RBMS3: variants seen among roughly 807,000 people sequenced by gnomAD.
RBMS3 encodes the protein RNA-binding motif, single-stranded-interacting protein 3.
A neutral mutation model predicts 66.8 loss-of-function variants in RBMS3; 27 were observed. The ratio of observed to expected loss-of-function variants is 0.40; its 90% CI spans 0.30 to 0.56. The LOEUF (loss-of-function observed/expected upper bound fraction) is 0.56. Ranked by LOEUF, RBMS3 falls within the 20% of genes least tolerant of loss-of-function variation. The pLI, the probability that RBMS3 is intolerant of heterozygous loss-of-function variation, is 0.40. For synonymous variants in RBMS3, 188 were observed against 183.0 expected, an observed-to-expected ratio of 1.03 and a Z score of -0.22; for missense variants, 513 against 549.5, an observed-to-expected ratio of 0.93 and a Z score of 0.66.
At chr3:29,615,205 A>C (rs1178721970) in intron 4 of RBMS3, 1 of 152,336 alleles carries the variant, frequency 6.6e-6, no homozygotes, top group African/African-American at 2.4e-5. Flanking sequence ...TACCACCATA[A>C]TATTCCATGA....
intron 1 of RBMS3, among the ~76,000 whole-genome samples, chr3:29,325,083 A>G (rs2035241083): frequency 6.6e-6 from 1 of 152,206 alleles, no homozygotes; most frequent in South Asian, 2.1e-4. Flanking sequence ...TGAATAAACT[A>G]TGGCATGTCT....
intron 12 of RBMS3, among the ~76,000 whole-genome samples, chr3:29,984,420 A>C (rs902785699): frequency 6.6e-6 from 1 of 151,878 alleles, no homozygotes; most frequent in African/African-American, 2.4e-5. Context: ...CTGTCAATTC[A>C]TCAAACTCAT....
At chr3:29,889,091 T>C (rs2059940154) in intron 8 of RBMS3, among the ~76,000 whole-genome samples, 1 of 151,706 alleles carries the variant, frequency 6.6e-6, no homozygotes, top group African/African-American at 2.4e-5. Context: ...CTTCCCCAGA[T>C]AGTACGAACA....
intron 7 of RBMS3, among the ~76,000 whole-genome samples, chr3:29,883,373 A>G (rs533217764): frequency 3.9e-5 from 6 of 152,218 alleles, no homozygotes; most frequent in Admixed American, 6.5e-5. Context: ...GTCTTCATCT[A>G]TAAAATGGAG....
At chr3:29,380,508 C>T (rs1267342629) in intron 1 of RBMS3, among the ~76,000 whole-genome samples, 1 of 152,128 alleles carries the variant, frequency 6.6e-6, no homozygotes, top group Non-Finnish European at 1.5e-5. Context: ...TGGTAAGTTG[C>T]ATTGCATGTT....
chr3:29,797,548 T>C (rs1380073075), intron 6 of RBMS3: 1 of 152,202 alleles, frequency 6.6e-6, no homozygotes, highest in Non-Finnish European at 1.5e-5. Flanking sequence ...CATCAAGGAC[T>C]TTTCTTTTGC....
At chr3:29,708,386 C>G (rs921405186) in intron 4 of RBMS3, among the ~76,000 whole-genome samples, 9 of 152,068 alleles carry the variant, frequency 5.9e-5, no homozygotes, top group Admixed American at 6.5e-5. Flanking sequence ...ATTTTTGGCT[C>G]TAAATGTAGG....
chr3:29,699,406 C>T (rs1318306197), intron 4 of RBMS3, among the ~76,000 whole-genome samples: 3 of 152,176 alleles, frequency 2.0e-5, no homozygotes, highest in Non-Finnish European at 2.9e-5. Flanking sequence ...CTTGGCCTCC[C>T]TAAGTGCTGG....
chr3:29,730,214 T>G (rs1277465461), intron 4 of RBMS3, among the ~76,000 whole-genome samples: 2 of 151,102 alleles, frequency 1.3e-5, no homozygotes, highest in Admixed American at 1.3e-4. Flanking sequence ...ATGTCTTATA[T>G]TTTATTGGGC....
intron 1 of RBMS3, among the ~76,000 whole-genome samples, chr3:29,282,970 C>A (rs771576363): frequency 1.3e-5 from 2 of 152,134 alleles, no homozygotes; most frequent in African/African-American, 2.4e-5. Flanking sequence ...CCTGCCCCTC[C>A]AAGGTCGACT....
intron 4 of RBMS3, among the ~76,000 whole-genome samples, chr3:29,701,782 C>G (rs2052598715): frequency 6.6e-6 from 1 of 152,144 alleles, no homozygotes; most frequent in Non-Finnish European, 1.5e-5. Context: ...CGCTGGAATT[C>G]TCACCGGGCC....
chr3:29,737,134 GCTGT>G (rs1233253729), intron 4 of RBMS3, among the ~76,000 whole-genome samples: 2 of 151,936 alleles, frequency 1.3e-5, no homozygotes, highest in Non-Finnish European at 2.9e-5. Flanking sequence ...CCGCCACCAG[GCTGT>G]CTAACTTTTT....
chr3:29,427,005 G>A (rs2040986780), intron 1 of RBMS3, among the ~76,000 whole-genome samples: 1 of 152,202 alleles, frequency 6.6e-6, no homozygotes, highest in African/African-American at 2.4e-5. Context: ...TGGTGGAGCT[G>A]GATTCATAGT....
intron 6 of RBMS3, among the ~76,000 whole-genome samples, chr3:29,789,976 A>G (rs1403457486): frequency 6.6e-6 from 1 of 152,178 alleles, no homozygotes. Flanking sequence ...AGGCATTGCT[A>G]TCAATTTTCT....
intron 3 of RBMS3, among the ~76,000 whole-genome samples, chr3:29,578,349 C>T (rs987033935): frequency 1.3e-5 from 2 of 152,062 alleles, no homozygotes; most frequent in Non-Finnish European, 2.9e-5. Flanking sequence ...CTCGATTGTG[C>T]ATATATACAT....
intron 6 of RBMS3, among the ~76,000 whole-genome samples, chr3:29,820,064 G>A (rs958609826): frequency 6.6e-6 from 1 of 151,534 alleles, no homozygotes; most frequent in East Asian, 2.0e-4. Flanking sequence ...GTGTGGTGGT[G>A]CATGCCTGTA....
At chr3:29,974,925 T>TA (rs1226181920) in intron 12 of RBMS3, among the ~76,000 whole-genome samples, 3 of 143,650 alleles carry the variant, frequency 2.1e-5, no homozygotes, top group Non-Finnish European at 4.6e-5. Flanking sequence ...ATATATAAAA[T>TA]ACGTTTCTAT....
chr3:29,405,375 A>C (rs1291859472), intron 1 of RBMS3, among the ~76,000 whole-genome samples: 1 of 152,164 alleles, frequency 6.6e-6, no homozygotes, highest in East Asian at 1.9e-4. Flanking sequence ...GCCAGGTCAT[A>C]CTTTTAAGAA....
intron 12 of RBMS3, among the ~76,000 whole-genome samples, chr3:29,967,051 T>C (rs1696898071): frequency 1.3e-5 from 2 of 152,214 alleles, no homozygotes; most frequent in Non-Finnish European, 2.9e-5. Context: ...CACTTGATCA[T>C]GGTGGATTAT....
Sources: allele counts gnomAD v4.1 joint callset (sites outside exome capture counted in the v4.1 genomes callset), GRCh38; gene constraint gnomAD v4.1.1; transcripts MANE v1.5; gene names NCBI Gene and HGNC (gene_info 2026-07-23, HGNC 2026-07-21).